The following MOSMO variants were observed in gnomAD, a reference collection of about 807,000 sequenced individuals.
MOSMO encodes the protein modulator of smoothened protein.
A neutral mutation model predicts 18.4 loss-of-function variants in MOSMO; 5 were observed. The observed-to-expected ratio is 0.27, with a 90% CI of 0.14 to 0.57. The LOEUF (loss-of-function observed/expected upper bound fraction) is 0.57, where lower values mean the gene tolerates loss of function less well. Ranked by LOEUF, MOSMO falls within the 20% of genes least tolerant of loss-of-function variation. MOSMO has a pLI of 0.92. For synonymous variants in MOSMO, 82 were observed against 82.3 expected, an observed-to-expected ratio of 1.00 and a Z score of 0.02; for missense variants, 138 against 211.8, an observed-to-expected ratio of 0.65 and a Z score of 2.16.
chr16:22,016,578 G>A (rs140956876), intron 1 of MOSMO, among the ~76,000 whole-genome samples: 1 of 152,258 alleles, frequency 6.6e-6, no homozygotes, highest in East Asian at 1.9e-4. Context: ...CAAAACCAAG[G>A]AGTACTTGGG....
chr16:22,040,760 T>A (rs1900195322), intron 1 of MOSMO, among the ~76,000 whole-genome samples: 1 of 152,160 alleles, frequency 6.6e-6, no homozygotes, highest in African/African-American at 2.4e-5. Flanking sequence ...TTTACAACAT[T>A]CAACAGAAAA....
intron 1 of MOSMO, among the ~76,000 whole-genome samples, chr16:22,022,576 G>T (rs573352971): frequency 2.6e-4 from 40 of 152,256 alleles, no homozygotes; most frequent in Non-Finnish European, 5.6e-4. Flanking sequence ...GATGTAATCT[G>T]TAGTCCTAGG....
At chr16:22,051,312 T>C (rs1485558865) in intron 1 of MOSMO, among the ~76,000 whole-genome samples, 1 of 151,708 alleles carries the variant, frequency 6.6e-6, no homozygotes, top group Non-Finnish European at 1.5e-5. Context: ...CACTTGAACC[T>C]GGGAGGTAGA....
chr16:22,035,668 C>A (rs1431414386), intron 1 of MOSMO, among the ~76,000 whole-genome samples: 1 of 152,104 alleles, frequency 6.6e-6, no homozygotes, highest in Non-Finnish European at 1.5e-5. Context: ...TTGCAGGCAG[C>A]GGTTTGCCCT....
At chr16:22,070,652 C>T (rs1326953504) in intron 1 of MOSMO, among the ~76,000 whole-genome samples, 1 of 152,130 alleles carries the variant, frequency 6.6e-6, no homozygotes, top group Admixed American at 6.5e-5. Flanking sequence ...CTTTGATTTA[C>T]CTGTTCACTC....
At chr16:22,060,459 GAC>G (rs1450926792) in intron 1 of MOSMO, among the ~76,000 whole-genome samples, 5 of 152,166 alleles carry the variant, frequency 3.3e-5, no homozygotes, top group Non-Finnish European at 7.3e-5. Context: ...CACAGTAAGA[GAC>G]CTCTACATGC....
At chr16:22,073,087 CAG>C (rs1369846200) in intron 1 of MOSMO, among the ~76,000 whole-genome samples, 1 of 152,232 alleles carries the variant, frequency 6.6e-6, no homozygotes, top group East Asian at 1.9e-4. Flanking sequence ...CAATTCCACT[CAG>C]AATCTACAGG....
Position 22,080,970 on chromosome 16 carries a change from T to A in MOSMO, c.*90T>A. ...GTGGAGAGGACAAAGGCGAGGCATC[T>A]GAGCAGGCCTCTCATGGGAAGATGC... On this transcript the variant is annotated 3_prime_UTR_variant, in exon 3 of 3. Coordinates refer to ENST00000542527, the MANE Select transcript of MOSMO (RefSeq NM_001164579.2). The A allele has an allele frequency of 1.8e-6, 1 of 544,370 alleles. No individual in the cohort carries two copies. The highest frequency in any genetic ancestry group is 2.8e-6 in the Non-Finnish European group (1 of 355,910). 33.7% of individuals were successfully genotyped at this position (544,370 alleles called of 1,614,324 possible). A position where few individuals can be genotyped will look rare whatever the true frequency, so the allele number is the denominator to read the frequency against.
chr16:22,091,495 C>T (rs575132838), downstream of MOSMO, among the ~76,000 whole-genome samples: 6 of 152,292 alleles, frequency 3.9e-5, no homozygotes, highest in East Asian at 1.2e-3. Context: ...GCGATCCTCC[C>T]ACCTCAGCCT....
At chr16:22,037,841 A>C (rs1232106945) in intron 1 of MOSMO, among the ~76,000 whole-genome samples, 2 of 152,198 alleles carry the variant, frequency 1.3e-5, no homozygotes, top group African/African-American at 4.8e-5. Context: ...AGGAAGCTCC[A>C]TGTGTTTAGC....
At chr16:22,069,655 T>C (rs974106571) in intron 1 of MOSMO, among the ~76,000 whole-genome samples, 1 of 152,172 alleles carries the variant, frequency 6.6e-6, no homozygotes, top group Non-Finnish European at 1.5e-5. Flanking sequence ...GTTGGTGTTA[T>C]GGAGTGAGTG....
At chr16:22,009,227 C>T (rs899330750) in intron 1 of MOSMO, among the ~76,000 whole-genome samples, 5 of 152,198 alleles carry the variant, frequency 3.3e-5, no homozygotes, top group African/African-American at 1.2e-4. Context: ...GAGCGTCTTT[C>T]ATTCCAGCGC....
intron 1 of MOSMO, among the ~76,000 whole-genome samples, chr16:22,044,830 T>C (rs1900276404): frequency 1.3e-5 from 2 of 152,178 alleles, no homozygotes; most frequent in South Asian, 4.1e-4. Flanking sequence ...ATGTTAAGAG[T>C]AACTCTTCAG....
At chr16:22,035,558 G>A (rs1019908873) in intron 1 of MOSMO, among the ~76,000 whole-genome samples, 7 of 152,030 alleles carry the variant, frequency 4.6e-5, no homozygotes, top group African/African-American at 1.7e-4. Flanking sequence ...CCTCTTACAG[G>A]TTAGATTTTC....
chr16:22,085,989 A>T (rs1901166663), downstream of MOSMO: 1 of 152,204 alleles, frequency 6.6e-6, no homozygotes, highest in South Asian at 2.1e-4. Flanking sequence ...GTCAAAGAGC[A>T]TGTCCAGTGT....
intron 1 of MOSMO, among the ~76,000 whole-genome samples, chr16:22,058,891 T>C (rs1900589848): frequency 6.6e-6 from 1 of 152,162 alleles, no homozygotes; most frequent in African/African-American, 2.4e-5. Flanking sequence ...CCAGCTGAGA[T>C]TGCCTAGGAA....
intron 1 of MOSMO, among the ~76,000 whole-genome samples, chr16:22,058,946 C>T (rs1900590967): frequency 6.6e-6 from 1 of 152,152 alleles, no homozygotes; most frequent in Admixed American, 6.5e-5. Context: ...ACAAACTTGA[C>T]AACTCTTTGG....
chr16:22,019,729 TGAG>T (rs1899714314), intron 1 of MOSMO, among the ~76,000 whole-genome samples: 1 of 152,018 alleles, frequency 6.6e-6, no homozygotes, highest in South Asian at 2.1e-4. Context: ...TTGTAAAAAG[TGAG>T]GAGTTGATTT....
At chr16:22,050,936 G>C (rs1900413027) in intron 1 of MOSMO, among the ~76,000 whole-genome samples, 1 of 150,518 alleles carries the variant, frequency 6.6e-6, no homozygotes, top group South Asian at 2.2e-4. Flanking sequence ...GAAACCTACT[G>C]TAGAGAAAAC....
Sources: gnomAD v4.1 joint callset for allele counts (sites outside exome capture counted in the v4.1 genomes callset) on GRCh38, gnomAD v4.1.1 for gene constraint, MANE v1.5 for transcripts, NCBI Gene and HGNC (gene_info 2026-07-23, HGNC 2026-07-21) for gene names.